ANKS1B: variants seen among roughly 807,000 people sequenced by gnomAD.
ANKS1B encodes ankyrin repeat and sterile alpha motif domain containing 1B, also known as ankyrin repeat and sterile alpha motif domain-containing protein 1B.
Under a neutral mutation model 148.3 loss-of-function variants are expected in ANKS1B, and 36 were observed. That is an observed-to-expected ratio of 0.24 (90% confidence interval 0.19 to 0.32). The LOEUF (loss-of-function observed/expected upper bound fraction) is 0.32, where lower values mean the gene tolerates loss of function less well. Ranked by LOEUF, ANKS1B falls within the 10% of genes least tolerant of loss-of-function variation. The pLI is 1.00. For missense variants in ANKS1B, 1,157 were observed against 1,542.6 expected (o/e 0.75, Z 4.19); for synonymous variants, 542 against 560.8 (o/e 0.97, Z 0.47).
At chr12:99,224,474 C>T (rs2085571873) in intron 14 of ANKS1B, among the ~76,000 whole-genome samples, 1 of 152,082 alleles carries the variant, frequency 6.6e-6, no homozygotes, top group East Asian at 1.9e-4. Context: ...CTCGTGAGAT[C>T]TGGTTGTTTA....
chr12:99,306,298 A>G (rs1429187242), intron 12 of ANKS1B, among the ~76,000 whole-genome samples: 1 of 152,118 alleles, frequency 6.6e-6, no homozygotes, highest in Non-Finnish European at 1.5e-5. Flanking sequence ...GCATTCAGCC[A>G]TTCCTGGGTC....
chr12:99,459,415 CAGATA>C (rs2095907494), intron 10 of ANKS1B, among the ~76,000 whole-genome samples: 2 of 151,996 alleles, frequency 1.3e-5, no homozygotes, highest in Non-Finnish European at 1.5e-5. Context: ...CCAGAGAAAT[CAGATA>C]AAAGAAAGAA....
At chr12:99,210,198 A>G (rs1209646139) in intron 14 of ANKS1B, among the ~76,000 whole-genome samples, 2 of 152,176 alleles carry the variant, frequency 1.3e-5, no homozygotes, top group African/African-American at 2.4e-5. Context: ...AAAATCAGCC[A>G]GAAGCCCCTC....
At chr12:99,824,004 T>C (rs2082843856) in intron 2 of ANKS1B, among the ~76,000 whole-genome samples, 1 of 152,240 alleles carries the variant, frequency 6.6e-6, no homozygotes, top group African/African-American at 2.4e-5. Context: ...CCTTATGGAA[T>C]AGTTTGAAAT....
intron 17 of ANKS1B, among the ~76,000 whole-genome samples, chr12:98,890,599 C>T (rs779178389): frequency 1.3e-5 from 2 of 152,150 alleles, no homozygotes; most frequent in Non-Finnish European, 2.9e-5. Context: ...ATGAACGTTA[C>T]ACAACACAAA....
chr12:99,192,338 G>T (rs2080846730), intron 14 of ANKS1B, among the ~76,000 whole-genome samples: 1 of 151,920 alleles, frequency 6.6e-6, no homozygotes, highest in Admixed American at 6.6e-5. Flanking sequence ...ATATTTCAGG[G>T]TTCAATAAAT....
chr12:99,201,973 T>C (rs2082122775), intron 14 of ANKS1B, among the ~76,000 whole-genome samples: 1 of 151,994 alleles, frequency 6.6e-6, no homozygotes, highest in Admixed American at 6.6e-5. Flanking sequence ...CTATTATATA[T>C]GTACCATGTA....
intron 4 of ANKS1B, among the ~76,000 whole-genome samples, chr12:99,802,594 A>C (rs1474155780): frequency 6.6e-6 from 1 of 152,174 alleles, no homozygotes; most frequent in African/African-American, 2.4e-5. Flanking sequence ...TTCTAGAGCA[A>C]ATATTAACAT....
chr12:99,819,838 T>C (rs531457982), intron 2 of ANKS1B, among the ~76,000 whole-genome samples: 1 of 148,834 alleles, frequency 6.7e-6, no homozygotes, highest in South Asian at 2.2e-4. Flanking sequence ...GAAGGAAAAG[T>C]AAAGGAAAAA....
At chr12:98,981,855 C>G (rs980560635) in intron 17 of ANKS1B, among the ~76,000 whole-genome samples, 3 of 152,188 alleles carry the variant, frequency 2.0e-5, no homozygotes, top group African/African-American at 7.2e-5. Flanking sequence ...ATATTCGTGT[C>G]TTGTTAAAAG....
At chr12:99,604,160 C>A (rs1052493841) in intron 9 of ANKS1B, among the ~76,000 whole-genome samples, 9 of 152,032 alleles carry the variant, frequency 5.9e-5, no homozygotes, top group Non-Finnish European at 1.2e-4. Context: ...CAGCAAATGA[C>A]AAGGAAATTT....
At chr12:98,959,888 C>G (rs1284270360) in intron 17 of ANKS1B, among the ~76,000 whole-genome samples, 1 of 152,182 alleles carries the variant, frequency 6.6e-6, no homozygotes, top group Non-Finnish European at 1.5e-5. Context: ...CAGGGAGAGA[C>G]TCCTCTGTTT....
At chr12:98,944,781 A>T (rs2099842556) in intron 17 of ANKS1B, among the ~76,000 whole-genome samples, 2 of 152,230 alleles carry the variant, frequency 1.3e-5, no homozygotes, top group Non-Finnish European at 2.9e-5. Flanking sequence ...TAAGAGAAAC[A>T]TCTCCACAGT....
At chr12:99,969,996 G>T (rs1258961721) in intron 1 of ANKS1B, among the ~76,000 whole-genome samples, 1 of 152,172 alleles carries the variant, frequency 6.6e-6, no homozygotes, top group Non-Finnish European at 1.5e-5. Flanking sequence ...AAAGTGGCCT[G>T]TGTGATGTTT....
chr12:98,920,733 T>C (rs2099800322), intron 17 of ANKS1B, among the ~76,000 whole-genome samples: 1 of 152,222 alleles, frequency 6.6e-6, no homozygotes, highest in Non-Finnish European at 1.5e-5. Context: ...TTTATAAGTC[T>C]TGGTCCATGT....
intron 8 of ANKS1B, among the ~76,000 whole-genome samples, chr12:99,762,657 C>A (rs984574215): frequency 1.3e-4 from 19 of 151,854 alleles, no homozygotes; most frequent in Non-Finnish European, 2.1e-4. Context: ...AGAGCAATTG[C>A]AACAAAAACA....
chr12:98,981,810 T>A (rs1351662594), intron 17 of ANKS1B, among the ~76,000 whole-genome samples: 1 of 152,238 alleles, frequency 6.6e-6, no homozygotes, highest in East Asian at 1.9e-4. Context: ...GCAGTTAATG[T>A]CAAATGTAAT....
intron 15 of ANKS1B, among the ~76,000 whole-genome samples, chr12:99,134,696 CA>C (rs1188490096): frequency 1.0e-4 from 13 of 127,804 alleles, no homozygotes; most frequent in African/African-American, 2.3e-4. Flanking sequence ...CACACACACA[CA>C]CACCAGGCAT....
At chr12:99,819,029 T>C (rs962225213) in intron 2 of ANKS1B, among the ~76,000 whole-genome samples, 5 of 151,864 alleles carry the variant, frequency 3.3e-5, no homozygotes, top group Admixed American at 3.3e-4. Flanking sequence ...CTCTTGCTTG[T>C]TGATTGAGTC....
Sources: allele counts gnomAD v4.1 joint callset (sites outside exome capture counted in the v4.1 genomes callset), GRCh38; gene constraint gnomAD v4.1.1; transcripts MANE v1.5; gene names NCBI Gene and HGNC (gene_info 2026-07-23, HGNC 2026-07-21).